The following PTK2 variants were observed in gnomAD, a reference collection of about 807,000 sequenced individuals.
The protein encoded by PTK2 is focal adhesion kinase 1.
In PTK2, 45 loss-of-function variants were observed where a neutral mutation model predicts 150.1. The observed-to-expected ratio is 0.30, with a 90% confidence interval of 0.24 to 0.38. PTK2 has a LOEUF of 0.38. Ranked by LOEUF, PTK2 falls within the 10% of genes least tolerant of loss-of-function variation. The probability of loss-of-function intolerance (pLI) is 1.00; values close to 1 mark genes in which losing one functional copy is unlikely to be tolerated. For synonymous variants in PTK2, 432 were observed against 449.2 expected (o/e 0.96, Z 0.48); for missense variants, 919 against 1,307.3 (o/e 0.70, Z 4.58).
intron 1 of PTK2, among the ~76,000 whole-genome samples, chr8:140,982,941 C>T (rs113449998): frequency 2.0e-5 from 3 of 152,210 alleles, no homozygotes; most frequent in Admixed American, 6.5e-5. Flanking sequence ...CACATTGAAG[C>T]TTTGTATTTT....
chr8:140,735,239 G>C lies in PTK2; in HGVS notation c.2030+12C>G. On this transcript the variant is annotated intron_variant, in intron 22 of 31. Transcript: ENST00000522684. ...CCCCCACCCCCAGGCCCTCTCTCCC[G>C]CCAACTCCTACCTGAGCTGAGCTTT... The C allele has an allele frequency of 6.2e-7, 1 of 1,611,826 alleles. No homozygotes were observed. Among genetic ancestry groups the C allele is most frequent in the Non-Finnish European group, 8.5e-7 (1 of 1,178,844 alleles).
intron 7 of PTK2, among the ~76,000 whole-genome samples, chr8:140,843,739 A>G (rs2100123660): frequency 6.6e-6 from 1 of 151,790 alleles, no homozygotes; most frequent in Non-Finnish European, 1.5e-5. Context: ...TTAGATTTAC[A>G]AAAGAGTTAC....
chr8:140,667,881 C>T (rs896352600), intron 30 of PTK2, among the ~76,000 whole-genome samples: 1 of 152,140 alleles, frequency 6.6e-6, no homozygotes, highest in Non-Finnish European at 1.5e-5. Flanking sequence ...ACTCCAACAA[C>T]GTAACCACAT....
chr8:140,843,709 C>T (rs1232142577), intron 7 of PTK2, among the ~76,000 whole-genome samples: 1 of 151,842 alleles, frequency 6.6e-6, no homozygotes, highest in Non-Finnish European at 1.5e-5. Flanking sequence ...TTTAGATAGG[C>T]CTTTTATTTT....
chr8:140,975,200 C>G (rs1184408884), intron 1 of PTK2, among the ~76,000 whole-genome samples: 1 of 152,182 alleles, frequency 6.6e-6, no homozygotes, highest in Non-Finnish European at 1.5e-5. Flanking sequence ...TCCTTAATGA[C>G]AAAGGTTGGG....
chr8:140,720,740 T>G (rs28637327), intron 22 of PTK2, among the ~76,000 whole-genome samples: 1 of 152,098 alleles, frequency 6.6e-6, no homozygotes, highest in Admixed American at 6.5e-5. Context: ...CAAAGAGCTC[T>G]AAGTCTTTTT....
chr8:140,900,047 C>T (rs1172953021), intron 2 of PTK2, among the ~76,000 whole-genome samples: 1 of 152,152 alleles, frequency 6.6e-6, no homozygotes, highest in Non-Finnish European at 1.5e-5. Context: ...TGAAACAATA[C>T]AAGGATGCCC....
chr8:140,995,287 G>A (rs1287336991), intron 1 of PTK2, among the ~76,000 whole-genome samples: 3 of 149,292 alleles, frequency 2.0e-5, no homozygotes, highest in East Asian at 1.9e-4. Flanking sequence ...AGAGGCTGAC[G>A]CAGGCGAATC....
intron 11 of PTK2, among the ~76,000 whole-genome samples, chr8:140,802,556 T>A (rs989220192): frequency 1.3e-5 from 2 of 152,212 alleles, no homozygotes; most frequent in Non-Finnish European, 2.9e-5. Flanking sequence ...GTTTATAGTC[T>A]ACAGCAGTGC....
chr8:140,865,426 T>A, intron 4 of PTK2, among the ~76,000 whole-genome samples: 1 of 152,216 alleles, frequency 6.6e-6, no homozygotes, highest in East Asian at 1.9e-4. Flanking sequence ...TCACCACCTA[T>A]TGATTTGTAG....
intron 27 of PTK2, among the ~76,000 whole-genome samples, chr8:140,682,692 A>G (rs1306970675): frequency 6.6e-6 from 1 of 152,088 alleles, no homozygotes; most frequent in African/African-American, 2.4e-5. Context: ...AGCACAATAA[A>G]AACAGAATCA....
At chr8:140,941,224 G>C (rs1034428138) in intron 1 of PTK2, among the ~76,000 whole-genome samples, 1 of 152,108 alleles carries the variant, frequency 6.6e-6, no homozygotes, top group Non-Finnish European at 1.5e-5. Context: ...GAAAAATACA[G>C]GGATGGAGTG....
chr8:140,956,453 T>C (rs1363323779), intron 1 of PTK2, among the ~76,000 whole-genome samples: 4 of 152,258 alleles, frequency 2.6e-5, no homozygotes, highest in Non-Finnish European at 5.9e-5. Flanking sequence ...CATACGATTA[T>C]GTACAGTACC....
intron 1 of PTK2, chr8:140,948,569 G>C (rs2100178468): frequency 1.4e-5 from 2 of 146,478 alleles, no homozygotes; most frequent in South Asian, 2.3e-4. Context: ...AAGAGATATG[G>C]GGAATAACAT....
intron 22 of PTK2, among the ~76,000 whole-genome samples, chr8:140,725,081 C>T (rs1026817698): frequency 1.3e-5 from 2 of 152,128 alleles, no homozygotes; most frequent in East Asian, 1.9e-4. Context: ...TGTGCTGTAT[C>T]GATCTCAAAA....
At chr8:140,737,301 C>G (rs1315874454) in intron 21 of PTK2, among the ~76,000 whole-genome samples, 1 of 152,068 alleles carries the variant, frequency 6.6e-6, no homozygotes, top group Non-Finnish European at 1.5e-5. Flanking sequence ...TGGGGTCTTG[C>G]TAAGTTGTCC....
intron 1 of PTK2, among the ~76,000 whole-genome samples, chr8:140,995,521 T>C (rs532564984): frequency 3.4e-4 from 51 of 151,922 alleles, no homozygotes; most frequent in African/African-American, 1.2e-3. Flanking sequence ...AAAACCAAGA[T>C]AGGGCCGGGC....
chr8:140,828,168 C>CAA (rs201599904), intron 8 of PTK2, among the ~76,000 whole-genome samples: 23 of 65,388 alleles, frequency 3.5e-4, no homozygotes, highest in South Asian at 2.7e-3. Context: ...TCTGTCTCAA[C>CAA]AAAAAAAAAA....
At chr8:140,865,323 C>T (rs1290478126) in intron 4 of PTK2, among the ~76,000 whole-genome samples, 1 of 152,252 alleles carries the variant, frequency 6.6e-6, no homozygotes, top group Non-Finnish European at 1.5e-5. Context: ...CTTGGCCTCC[C>T]AAAGTGCTGG....
Sources: gnomAD v4.1 joint callset for allele counts (sites outside exome capture counted in the v4.1 genomes callset) on GRCh38, gnomAD v4.1.1 for gene constraint, MANE v1.5 for transcripts, NCBI Gene and HGNC (gene_info 2026-07-23, HGNC 2026-07-21) for gene names.